Variants in CELF2 observed in about 807,000 individuals in gnomAD.
The protein encoded by CELF2 is CUGBP Elav-like family member 2.
Under a neutral mutation model 62.6 loss-of-function variants are expected in CELF2, and 8 were observed. That is an observed-to-expected ratio of 0.13 (90% CI 0.07 to 0.23). The LOEUF is 0.23. Ranked by LOEUF, CELF2 falls within the 10% of genes least tolerant of loss-of-function variation. The probability of loss-of-function intolerance (pLI) is 1.00; values close to 1 mark genes in which losing one functional copy is unlikely to be tolerated. For synonymous variants in CELF2, 258 were observed against 250.0 expected (o/e 1.03, Z -0.30); for missense variants, 333 against 671.0 (o/e 0.50, Z 5.56).
At chr10:10,874,712 TCAAA>T (rs1257367695) in intron 1 of CELF2, among the ~76,000 whole-genome samples, 2 of 152,148 alleles carry the variant, frequency 1.3e-5, no homozygotes, top group Non-Finnish European at 2.9e-5. Context: ...AAGGCTCAAC[TCAAA>T]CAAAATCATT....
In CELF2 at chr10:11,217,355, CCA is replaced by C. The variant is rs924825507; in HGVS notation, c.272-67_272-66del. 4.7e-6 allele frequency: 5 copies of C among 1,054,992 alleles called. No homozygotes were observed. Among genetic ancestry groups the C allele is most frequent in the Non-Finnish European group, 7.2e-6 (5 of 697,642 alleles). The allele number at this position is 1,054,992 out of a possible 1,614,324, so 65.4% of individuals were successfully genotyped here. A position where few individuals can be genotyped will look rare whatever the true frequency, so the allele number is the denominator to read the frequency against. ...TCCTTTTAAGTAGATTGTTTGTTCG[CCA>C]CAGTCTCCATTATATCTAAGCAAAG... On this transcript the variant is annotated intron_variant, in intron 2 of 12. Coordinates refer to ENST00000633077, the MANE Select transcript of CELF2 (RefSeq NM_001326342.2). This position sits in a 1 kb window ranked among gnomAD's most constrained non-coding sequence, Gnocchi z 5.6.
upstream of CELF2, among the ~76,000 whole-genome samples, chr10:10,796,548 G>A (rs2054149991): frequency 6.6e-6 from 1 of 152,234 alleles, no homozygotes; most frequent in African/African-American, 2.4e-5. Flanking sequence ...AACTCTAAGT[G>A]TTAAGAACTC....
chr10:10,727,199 G>A, the CELF2 span, among the ~76,000 whole-genome samples: 1 of 152,186 alleles, frequency 6.6e-6, no homozygotes, highest in Non-Finnish European at 1.5e-5. Flanking sequence ...ATCAGGAGGT[G>A]TAAATGCTGT....
chr10:11,118,262 C>T (rs1420998417), intron 1 of CELF2, among the ~76,000 whole-genome samples: 1 of 151,970 alleles, frequency 6.6e-6, no homozygotes, highest in Non-Finnish European at 1.5e-5. Flanking sequence ...GTAGTCTGAA[C>T]CCAAGGCTTG....
the CELF2 span, among the ~76,000 whole-genome samples, chr10:10,632,863 G>T: frequency 6.6e-6 from 1 of 152,100 alleles, no homozygotes; most frequent in East Asian, 1.9e-4. Context: ...CACACACACA[G>T]CTACGATTAT....
the CELF2 span, among the ~76,000 whole-genome samples, chr10:10,572,669 C>A: frequency 6.6e-6 from 1 of 152,106 alleles, no homozygotes; most frequent in Non-Finnish European, 1.5e-5. Context: ...CAACTGTGTC[C>A]CTGCAAAGAA....
At chr10:10,466,293 C>T in the CELF2 span, among the ~76,000 whole-genome samples, 12 of 152,246 alleles carry the variant, frequency 7.9e-5, no homozygotes, top group African/African-American at 2.9e-4. Context: ...TATAAAATGT[C>T]ATATAAATGG....
intron 1 of CELF2, among the ~76,000 whole-genome samples, chr10:11,025,172 G>A (rs1366310524): frequency 6.6e-6 from 1 of 151,874 alleles, no homozygotes. Context: ...AATGTGGTCA[G>A]TAGGCCTGAA....
intron 1 of CELF2, among the ~76,000 whole-genome samples, chr10:10,807,713 C>A (rs1395971948): frequency 1.3e-5 from 2 of 152,066 alleles, no homozygotes; most frequent in Non-Finnish European, 2.9e-5. Flanking sequence ...TATTAAAGAG[C>A]CAGCAATATT....
chr10:11,005,255 GGAGAGAGAGAGAGAGAGA>G (rs529664321), upstream of CELF2: 1 of 1,080,494 alleles, frequency 9.3e-7, no homozygotes, highest in Non-Finnish European at 1.2e-6. The surrounding 1 kb of genome is among the most constrained non-coding windows in gnomAD (Gnocchi z 4.3). Flanking sequence ...AGAGAGAGAG[GGAGAGAGAGAGAGAGAGA>G]GAGAGAGAGA....
chr10:10,651,478 A>T, the CELF2 span, among the ~76,000 whole-genome samples: 1 of 125,838 alleles, frequency 7.9e-6, no homozygotes, highest in African/African-American at 2.9e-5. Flanking sequence ...CCTGTCTGAC[A>T]GCTTTGAAGA....
intron 9 of CELF2, among the ~76,000 whole-genome samples, chr10:11,289,277 A>G (rs1218117611): frequency 3.3e-5 from 5 of 152,114 alleles, no homozygotes; most frequent in Non-Finnish European, 5.9e-5. Flanking sequence ...TTTCTGTTAC[A>G]TGAAGGAGAT....
chr10:10,821,944 A>G (rs1471771768), intron 1 of CELF2, among the ~76,000 whole-genome samples: 1 of 152,164 alleles, frequency 6.6e-6, no homozygotes, highest in Non-Finnish European at 1.5e-5. Context: ...TTACTTTATT[A>G]AAAGACAAGG....
rs1394841941 is a variant in CELF2 at position 11,161,883 on chromosome 10, C to A, written c.75-3603C>A. On this transcript the variant is annotated intron_variant, in intron 1 of 12. Coordinates refer to ENST00000633077, the MANE Select transcript of CELF2 (RefSeq NM_001326342.2). Reference sequence around the variant, plus strand: ...GGCTGTCCTTAGTTTCTAGCAGGTACCTCCAAAGGTTTAACTGTTGAACAC... The same window carrying A: ...GGCTGTCCTTAGTTTCTAGCAGGTAACTCCAAAGGTTTAACTGTTGAACAC... Among the ~76,000 whole-genome samples the A allele has an allele frequency of 2.0e-5, 3 of 152,154 alleles. No individual in the cohort carries two copies. The East Asian group carries it at 5.8e-4, about 29-fold the overall frequency.
upstream of CELF2, among the ~76,000 whole-genome samples, chr10:11,017,750 C>G (rs2057468539): frequency 6.6e-6 from 1 of 151,868 alleles, no homozygotes; most frequent in Admixed American, 6.6e-5. This position sits in a 1 kb window ranked among gnomAD's most constrained non-coding sequence, Gnocchi z 5.5. Context: ...CTGGCCGTGC[C>G]CGGGCGGTGA....
intron 1 of CELF2, among the ~76,000 whole-genome samples, chr10:11,021,044 AACTG>A (rs1487822168): frequency 2.0e-5 from 3 of 152,220 alleles, no homozygotes; most frequent in African/African-American, 7.2e-5. Context: ...TTTGATTTTA[AACTG>A]ACAGTTGATT....
At chr10:10,539,054 T>C in the CELF2 span, among the ~76,000 whole-genome samples, 1 of 152,252 alleles carries the variant, frequency 6.6e-6, no homozygotes, top group African/African-American at 2.4e-5. Flanking sequence ...AGATGCTTTA[T>C]GAAATGCTGA....
chr10:10,907,239 T>C lies in CELF2; in HGVS notation c.54-12725T>C, dbSNP rs182932927. ...TGTACCAATAATTCATATACAGCTA[T>C]ATGGGGTGAAAAAGGTTAATGATGG... On this transcript the variant is annotated intron_variant, in intron 1 of 13. Coordinates refer to the CELF2 transcript ENST00000636488. Among the ~76,000 whole-genome samples the C allele has an allele frequency of 8.3e-4, 126 of 152,260 alleles. 1 individual carries two copies. The highest frequency in any genetic ancestry group is 2.8e-3 in the African/African-American group (117 of 41,548).
At chr10:10,755,287 A>T in the CELF2 span, among the ~76,000 whole-genome samples, 1 of 152,196 alleles carries the variant, frequency 6.6e-6, no homozygotes, top group Non-Finnish European at 1.5e-5. Flanking sequence ...TCTCATATTC[A>T]TATTTATCTT....
Sources: gnomAD v4.1 joint callset for allele counts (sites outside exome capture counted in the v4.1 genomes callset) on GRCh38, gnomAD v4.1.1 for gene constraint, Gnocchi (gnomAD v3.1) non-coding constraint, MANE v1.5 for transcripts, NCBI Gene and HGNC (gene_info 2026-07-23, HGNC 2026-07-21) for gene names.